MAP3K21: variants seen among roughly 807,000 people sequenced by gnomAD.
The protein encoded by MAP3K21 is mitogen-activated protein kinase kinase kinase MLK4.
In MAP3K21, 63 loss-of-function variants were observed where a neutral mutation model predicts 86.1. The ratio of observed to expected loss-of-function variants is 0.73; its 90% CI spans 0.60 to 0.90. MAP3K21 has a LOEUF of 0.90. Among genes scored for constraint, MAP3K21 ranks in the 40% least tolerant of loss-of-function variants. MAP3K21 has a pLI of 0.00. For missense variants in MAP3K21, 1,220 were observed against 1,367.7 expected, an observed-to-expected ratio of 0.89 and a Z score of 1.70; for synonymous variants, 558 against 564.8, an observed-to-expected ratio of 0.99 and a Z score of 0.17.
At chr1:233,339,477 CTT>C (rs1308187165) in intron 1 of MAP3K21, among the ~76,000 whole-genome samples, 3 of 141,004 alleles carry the variant, frequency 2.1e-5, no homozygotes, top group Non-Finnish European at 3.1e-5. Context: ...TCTCCTTCTT[CTT>C]CTTCTTCTTT....
chr1:233,333,890 G>A (rs1366874741), intron 1 of MAP3K21, among the ~76,000 whole-genome samples: 1 of 152,178 alleles, frequency 6.6e-6, no homozygotes, highest in Non-Finnish European at 1.5e-5. Context: ...TTGAGACGGA[G>A]TCTCGCTCTG....
At chr1:233,368,927 CAA>C (rs35638564) in intron 5 of MAP3K21, among the ~76,000 whole-genome samples, 67,368 of 151,816 alleles carry the variant, frequency 0.44, 15,413 homozygotes, top group Admixed American at 0.59. Flanking sequence ...ACTCATTCAG[CAA>C]AGTTTTCTAA....
chr1:233,357,128 A>G (rs1321847296), intron 4 of MAP3K21, among the ~76,000 whole-genome samples: 2 of 152,158 alleles, frequency 1.3e-5, no homozygotes, highest in Non-Finnish European at 2.9e-5. Context: ...AGACATAACC[A>G]TCATTCTCAG....
Position 233,384,401 on chromosome 1 carries a change from C to T in MAP3K21, c.*1690C>T, listed in dbSNP as rs1156420135. The T allele has an allele frequency of 6.6e-6, 1 of 152,134 alleles. No individual in the cohort carries two copies. The allele number at this position is 152,134 out of a possible 1,614,324, so 9.4% of individuals were successfully genotyped here. On this transcript the variant is annotated 3_prime_UTR_variant, in exon 10 of 10. Coordinates refer to ENST00000366624, the MANE Select transcript of MAP3K21 (RefSeq NM_032435.3). ...GATTCTTGCAGCAAAGTCTCAGATA[C>T]TTAATACGTTTTCTTGTTTTATCAT...
chr1:233,383,491 C>T lies in MAP3K21; in HGVS notation c.*780C>T, dbSNP rs1306168272. ...TTGACTGAGACCACATGGTGTGCCC[C>T]TTGAGTGAGGCTAATCTTTAGGTTT... On this transcript the variant is annotated 3_prime_UTR_variant, in exon 10 of 10. Coordinates refer to ENST00000366624, the MANE Select transcript of MAP3K21 (RefSeq NM_032435.3). 2.0e-5 allele frequency: 3 copies of T among 151,984 alleles called. No homozygotes were observed. Among genetic ancestry groups the T allele is most frequent in the Non-Finnish European group, 4.4e-5 (3 of 67,932 alleles). The allele number at this position is 151,984 out of a possible 1,614,324, so 9.4% of individuals were successfully genotyped here.
At position 233,379,310 on chromosome 1, in the gene MAP3K21, C is replaced by A; in HGVS notation, c.2304C>A (p.Ser768=). ...KKREGIFQRA[S]KSRRSASPPT... ...GAGAGGGAATCTTCCAGCGGGCTTC[C>A]AAGTCCCGCAGAAGCGCCAGTCCTC... The change falls in exon 9 of 10, where the codon TCC becomes TCA. Residue 768 remains serine (S), a synonymous_variant. Transcript: ENST00000366624. 6.2e-7 allele frequency: 1 copy of A among 1,614,182 alleles called. No homozygotes were observed. Among genetic ancestry groups the A allele is most frequent in the African/African-American group, 1.3e-5 (1 of 75,038 alleles).
At chr1:233,360,715 G>A (rs540480027) in intron 4 of MAP3K21, among the ~76,000 whole-genome samples, 5 of 152,080 alleles carry the variant, frequency 3.3e-5, no homozygotes, top group African/African-American at 4.8e-5. Flanking sequence ...CTTTGAGTCC[G>A]TCTGTAAAAA....
intron 8 of MAP3K21, among the ~76,000 whole-genome samples, chr1:233,377,631 A>ACCAGAGAC (rs1416369036): frequency 6.6e-6 from 1 of 152,228 alleles, no homozygotes; most frequent in Non-Finnish European, 1.5e-5. Context: ...CCTTTATGGC[A>ACCAGAGAC]CCAGAGACCA....
intron 1 of MAP3K21, among the ~76,000 whole-genome samples, chr1:233,343,780 C>T (rs1448112980): frequency 1.3e-5 from 2 of 152,146 alleles, no homozygotes; most frequent in Non-Finnish European, 2.9e-5. Flanking sequence ...CTACCTATAG[C>T]ATTGTCGTAT....
Position 233,327,968 on chromosome 1 carries a change from C to G in MAP3K21, c.-61C>G. On this transcript the variant is annotated 5_prime_UTR_variant, in exon 1 of 10. Coordinates refer to ENST00000366624, the MANE Select transcript of MAP3K21 (RefSeq NM_032435.3). Reference sequence around the variant, plus strand: ...GCCACACCGCCGGACGATGCGCGCCCGCGGCCGCCCGGGAGGCTGAGCCCA... The same window carrying G: ...GCCACACCGCCGGACGATGCGCGCCGGCGGCCGCCCGGGAGGCTGAGCCCA... 1 of 1,224,494 alleles carries G rather than the reference C, an allele frequency of 8.2e-7. No homozygotes were observed. The highest frequency in any genetic ancestry group is 1.0e-6 in the Non-Finnish European group (1 of 982,234). The allele number at this position is 1,224,494 out of a possible 1,614,324, so 75.9% of individuals were successfully genotyped here.
intron 1 of MAP3K21, among the ~76,000 whole-genome samples, chr1:233,335,898 C>T (rs1662902923): frequency 6.6e-6 from 1 of 152,164 alleles, no homozygotes. Flanking sequence ...TTGTAGAGTT[C>T]ACTTTAATGC....
intron 1 of MAP3K21, among the ~76,000 whole-genome samples, chr1:233,344,308 T>C (rs1663092032): frequency 6.6e-6 from 1 of 152,130 alleles, no homozygotes; most frequent in South Asian, 2.1e-4. Context: ...ACTGGAGGCA[T>C]CACACTACCT....
chr1:233,363,712 A>AG (rs1329215589), intron 5 of MAP3K21, among the ~76,000 whole-genome samples: 1 of 119,092 alleles, frequency 8.4e-6, no homozygotes, highest in Non-Finnish European at 1.8e-5. Context: ...CAAAAAAAAA[A>AG]AGAAAGAAAG....
rs965452870 is a variant in MAP3K21, at chr1:233,384,078, T to C, written c.*1367T>C. ...ATGTGGCTCTTCAGAAGACAGACAA[T>C]CGACATTTAAATTTTTCCAAACAAT... On this transcript the variant is annotated 3_prime_UTR_variant, in exon 10 of 10. Transcript: ENST00000366624. 5 of 152,134 alleles carry C rather than the reference T, an allele frequency of 3.3e-5. No homozygotes were observed. The highest frequency in any genetic ancestry group is 9.7e-5 in the African/African-American group (4 of 41,442). 9.4% of individuals were successfully genotyped at this position (152,134 alleles called of 1,614,324 possible).
At chr1:233,347,163 G>A (rs1663161920) in intron 2 of MAP3K21, among the ~76,000 whole-genome samples, 1 of 152,118 alleles carries the variant, frequency 6.6e-6, no homozygotes, top group African/African-American at 2.4e-5. Flanking sequence ...TCAAAGTGCT[G>A]GGATTACAGG....
chr1:233,373,494 C>G (rs887892019), intron 6 of MAP3K21: 1 of 152,266 alleles, frequency 6.6e-6, no homozygotes, highest in Non-Finnish European at 1.5e-5. Flanking sequence ...ATGCAGCCAG[C>G]TTAGGGAGGC....
At chr1:233,344,409 G>A (rs1247910556) in intron 1 of MAP3K21, among the ~76,000 whole-genome samples, 5 of 152,012 alleles carry the variant, frequency 3.3e-5, no homozygotes, top group Non-Finnish European at 5.9e-5. Context: ...CAGAACAGAG[G>A]CCTCAGAAAT....
intron 1 of MAP3K21, among the ~76,000 whole-genome samples, chr1:233,337,983 A>G (rs528431487): frequency 1.7e-4 from 26 of 152,180 alleles, no homozygotes; most frequent in Non-Finnish European, 3.2e-4. Context: ...GGTTGTATTA[A>G]ATATGTTATG....
In MAP3K21 at chr1:233,385,100, G is replaced by A. The variant is rs956434381; in HGVS notation, c.*2389G>A. On this transcript the variant is annotated 3_prime_UTR_variant, in exon 10 of 10. Transcript: ENST00000366624. ...GTGACTGAAAAATATGTTTACATATGTTGTCTATTTTTTTAATAAACTTTT... is the reference window on the plus strand; with the variant it reads ...GTGACTGAAAAATATGTTTACATATATTGTCTATTTTTTTAATAAACTTTT... The A allele has an allele frequency of 3.3e-5, 5 of 152,266 alleles. No homozygotes were observed. The highest frequency in any genetic ancestry group is 4.4e-5 in the Non-Finnish European group (3 of 68,010). 9.4% of individuals were successfully genotyped at this position (152,266 alleles called of 1,614,324 possible).
Sources: gnomAD v4.1 joint callset for allele counts (sites outside exome capture counted in the v4.1 genomes callset) on GRCh38, gnomAD v4.1.1 for gene constraint, MANE v1.5 for transcripts, NCBI Gene and HGNC (gene_info 2026-07-23, HGNC 2026-07-21) for gene names.